Variants in GABRA3 observed in about 807,000 individuals in gnomAD.
GABRA3 encodes gamma-aminobutyric acid type A receptor subunit alpha3, also known as gamma-aminobutyric acid receptor subunit alpha-3.
In GABRA3, 10 loss-of-function variants were observed where a neutral mutation model predicts 30.1. The observed-to-expected ratio is 0.33, with a 90% CI of 0.20 to 0.56. The LOEUF (loss-of-function observed/expected upper bound fraction) is 0.56. Ranked by LOEUF, GABRA3 falls within the 20% of genes least tolerant of loss-of-function variation. The pLI is 0.89. For synonymous variants in GABRA3, 151 were observed against 146.8 expected (o/e 1.03, Z -0.21); for missense variants, 233 against 392.0 (o/e 0.59, Z 3.42).
At chrX:152,198,854 G>T (rs1291001924) in intron 7 of GABRA3, among the ~76,000 whole-genome samples, 1 of 112,130 alleles carries the variant, frequency 8.9e-6, no homozygotes, top group African/African-American at 3.2e-5. Flanking sequence ...CTTGTTATGG[G>T]TTGAATTGTG....
chrX:152,322,502 C>T (rs770723799), intron 3 of GABRA3, among the ~76,000 whole-genome samples: 1 of 110,721 alleles, frequency 9.0e-6, no homozygotes, highest in East Asian at 2.8e-4. Flanking sequence ...TGAATTTCAC[C>T]ACAATAAATA....
In GABRA3 at chrX:152,425,541, C is replaced by G. The variant is rs142767289; in HGVS notation, c.-27+25605G>C. 2.8e-3 allele frequency among the ~76,000 whole-genome samples: 313 copies of G among 111,334 alleles called. 1 individual carries two copies. In the South Asian group the frequency reaches 0.069, roughly 25 times the overall value. On this transcript the variant is annotated intron_variant, in intron 1 of 9. Coordinates refer to ENST00000370314, the MANE Select transcript of GABRA3 (RefSeq NM_000808.4). ...TTTAAAGAGAAAAGATCAGAATGTCCCTCAATCTGAGTTTGCCTGACGTTT... is the reference window on the plus strand; with the variant it reads ...TTTAAAGAGAAAAGATCAGAATGTCGCTCAATCTGAGTTTGCCTGACGTTT...
intron 1 of GABRA3, among the ~76,000 whole-genome samples, chrX:152,406,199 C>T (rs183472814): frequency 2.0e-4 from 22 of 110,256 alleles, no homozygotes; most frequent in Admixed American, 1.4e-3. Context: ...AGAAAACAAA[C>T]GACAAAATGG....
chrX:152,262,870 T>C (rs1359355914), intron 4 of GABRA3, among the ~76,000 whole-genome samples: 1 of 112,116 alleles, frequency 8.9e-6, no homozygotes, highest in Non-Finnish European at 1.9e-5. Flanking sequence ...ACTGTATTAG[T>C]CCATTCTCAC....
rs367598107 is a variant in GABRA3, at chrX:152,213,224, T to C, written c.635-5080A>G. Among the ~76,000 whole-genome samples, 3 of 111,980 alleles carry C rather than the reference T, an allele frequency of 2.7e-5. No individual in the cohort carries two copies. In the East Asian group the frequency reaches 8.4e-4, roughly 31 times the overall value. On this transcript the variant is annotated intron_variant, in intron 6 of 9. Coordinates refer to ENST00000370314, the MANE Select transcript of GABRA3 (RefSeq NM_000808.4). ...AGAAAGCATTTCTTTTGAAATATTG[T>C]CAGAAACCACTTGCTTAATTGATTT... is the stretch of plus-strand genomic sequence containing the variant.
chrX:152,254,299 T>C (rs1938602699), intron 5 of GABRA3, among the ~76,000 whole-genome samples: 1 of 111,104 alleles, frequency 9.0e-6, no homozygotes, highest in Non-Finnish European at 1.9e-5. Context: ...ATCCACTTCA[T>C]TATATTCGCC....
chrX:152,311,175 TGAG>T (rs891978267), intron 3 of GABRA3, among the ~76,000 whole-genome samples: 1 of 111,497 alleles, frequency 9.0e-6, no homozygotes, highest in Non-Finnish European at 1.9e-5. Flanking sequence ...TTCCAAAAAA[TGAG>T]GAGAAGGGAC....
chrX:152,370,946 C>T (rs1646601387), intron 1 of GABRA3, among the ~76,000 whole-genome samples: 1 of 110,777 alleles, frequency 9.0e-6, no homozygotes. Flanking sequence ...TCCTTTCTTA[C>T]CCTGCTTGGA....
rs766659110 is a variant in GABRA3, at chrX:152,383,985, A to G, written c.-26-19389T>C. Among the ~76,000 whole-genome samples the G allele has an allele frequency of 3.6e-5, 4 of 109,745 alleles. No homozygotes were observed. In the East Asian group the frequency reaches 8.5e-4, roughly 23 times the overall value. On this transcript the variant is annotated intron_variant, in intron 1 of 9. Coordinates refer to ENST00000370314, the MANE Select transcript of GABRA3 (RefSeq NM_000808.4). ...ACAGACTCCACCACAAAAAAAAAAA[A>G]AAAAAGAAAAACCTATCCAAGCTGA... is the stretch of plus-strand genomic sequence containing the variant.
intron 5 of GABRA3, among the ~76,000 whole-genome samples, chrX:152,230,114 T>G (rs1033219739): frequency 3.6e-5 from 4 of 111,588 alleles, no homozygotes; most frequent in African/African-American, 1.3e-4. Flanking sequence ...CTGCTAATGG[T>G]ATGGAGTTTC....
chrX:152,259,994 C>A (rs1210086487), intron 4 of GABRA3, among the ~76,000 whole-genome samples: 1 of 110,562 alleles, frequency 9.0e-6, no homozygotes, highest in African/African-American at 3.3e-5. Flanking sequence ...TGCCTTGGGC[C>A]AGACTGGAGG....
intron 7 of GABRA3, among the ~76,000 whole-genome samples, chrX:152,205,011 C>T (rs1266072612): frequency 3.6e-5 from 4 of 111,569 alleles, no homozygotes; most frequent in Admixed American, 2.8e-4. Context: ...TGCACGCACG[C>T]GTGTGTGTGT....
At chrX:152,184,473 A>G (rs5969866) in intron 9 of GABRA3, among the ~76,000 whole-genome samples, 32,640 of 110,219 alleles carry the variant, frequency 0.3, 3,845 homozygotes, top group African/African-American at 0.43. Context: ...ACTTTCCTCT[A>G]GGGATGCTCA....
chrX:152,257,084 A>T (rs73639077), intron 4 of GABRA3, among the ~76,000 whole-genome samples: 11,693 of 110,811 alleles, frequency 0.11, 491 homozygotes, highest in South Asian at 0.13. Flanking sequence ...GGGCCCAGTT[A>T]AAAAAAATAG....
chrX:152,334,809 G>C (rs933657884), intron 3 of GABRA3, among the ~76,000 whole-genome samples: 2 of 111,366 alleles, frequency 1.8e-5, no homozygotes, highest in African/African-American at 6.5e-5. Flanking sequence ...TACTAAAACT[G>C]AGTAAGAAAG....
At chrX:152,409,626 A>T (rs960495823) in intron 1 of GABRA3, among the ~76,000 whole-genome samples, 2 of 111,736 alleles carry the variant, frequency 1.8e-5, no homozygotes, top group Non-Finnish European at 3.8e-5. Flanking sequence ...GTGAAAAGAG[A>T]TTAATAACCA....
chrX:152,397,584 G>A (rs989756598), intron 1 of GABRA3, among the ~76,000 whole-genome samples: 1 of 111,078 alleles, frequency 9.0e-6, no homozygotes, highest in African/African-American at 3.3e-5. Flanking sequence ...TTTGTATTCC[G>A]AATAAACATT....
intron 9 of GABRA3, among the ~76,000 whole-genome samples, chrX:152,182,569 TATATGCATATATAGTGTATATACAC>T (rs1937176075): frequency 3.9e-5 from 3 of 77,312 alleles, no homozygotes; most frequent in African/African-American, 1.6e-4. Flanking sequence ...ATATATACTA[TATATGCATATATAGTGTATATACAC>T]ACTATATATA....
At chrX:152,424,320 T>A (rs1247268717) in intron 1 of GABRA3, among the ~76,000 whole-genome samples, 1 of 109,789 alleles carries the variant, frequency 9.1e-6, no homozygotes, top group African/African-American at 3.3e-5. Flanking sequence ...AAAACATTTA[T>A]TTCTCTTCAC....
Sources: gnomAD v4.1 joint callset for allele counts (sites outside exome capture counted in the v4.1 genomes callset) on GRCh38, gnomAD v4.1.1 for gene constraint, MANE v1.5 for transcripts, NCBI Gene and HGNC (gene_info 2026-07-23, HGNC 2026-07-21) for gene names.